Variants in MICALL1 observed in about 807,000 individuals in gnomAD.
The protein encoded by MICALL1 is MICAL like 1, also known as MICAL-like protein 1.
MICALL1 carries 61 observed loss-of-function variants against 83.7 expected under a neutral mutation model. That is an observed-to-expected ratio of 0.73 (90% CI 0.59 to 0.90). The LOEUF is 0.90. Ranked by LOEUF, MICALL1 falls within the 40% of genes least tolerant of loss-of-function variation. The pLI is 0.00. For synonymous variants in MICALL1, 481 were observed against 473.6 expected (o/e 1.02, Z -0.20); for missense variants, 1,066 against 1,152.0 (o/e 0.93, Z 1.08).
In MICALL1 at chr22:37,933,173, T is replaced by C. The variant is rs1929896319; in HGVS notation, c.2308+61T>C. 5.1e-6 allele frequency: 8 copies of C among 1,558,884 alleles called. No individual in the cohort carries two copies. In the Admixed American group the frequency reaches 1.2e-4, roughly 23 times the overall value. On this transcript the variant is annotated intron_variant, in intron 13 of 15. Transcript: ENST00000215957. ...CCTGGGGCCTGGTGACACGGAGGAG[T>C]GGGGGAGCGGGCAGACAAAACCCCA... is the stretch of plus-strand genomic sequence containing the variant.
Position 37,932,253 on chromosome 22 carries a change from T to G in MICALL1, c.2017-300T>G, listed in dbSNP as rs566996579. The stretch of plus-strand genomic sequence containing the variant: ...TCTCAAGTTTATCTCTGTAATAAGG[T>G]CACTCTCACTGACATTGTGATACCC... On this transcript the variant is annotated intron_variant, in intron 10 of 15. Transcript: ENST00000215957. This position sits in a 1 kb window ranked among gnomAD's most constrained non-coding sequence, Gnocchi z 4.4. Among the ~76,000 whole-genome samples, 23 of 152,234 alleles carry G rather than the reference T, an allele frequency of 1.5e-4. No individual in the cohort carries two copies. Among genetic ancestry groups the G allele is most frequent in the Non-Finnish European group, 3.1e-4 (21 of 68,038 alleles).
At position 37,925,711 on chromosome 22, in the gene MICALL1, A is replaced by G. The variant is rs370840648; in HGVS notation, c.1133A>G (p.Glu378Gly). 65 of 1,608,296 alleles carry G rather than the reference A, an allele frequency of 4.0e-5. No homozygotes were observed. Among genetic ancestry groups the G allele is most frequent in the Non-Finnish European group, 4.8e-5 (57 of 1,178,018 alleles). Residue 378 changes from glutamate (E) to glycine (G), a missense_variant, in exon 8 of 16, where the codon GAA (glutamate) becomes GGA (glycine). Transcript: ENST00000215957. Reference protein sequence around the residue: ...DPPWITLVQAEPKKKPAPLPP... With the variant: ...DPPWITLVQAGPKKKPAPLPP... Reference sequence around the variant, plus strand: ...CCATGGATCACGCTGGTGCAGGCAGAACCAAAGAAGAAGCCAGCCCCACTT... The same window carrying G: ...CCATGGATCACGCTGGTGCAGGCAGGACCAAAGAAGAAGCCAGCCCCACTT...
At position 37,906,466 on chromosome 22, in the gene MICALL1, A is replaced by G; in HGVS notation, c.44A>G (p.Gln15Arg). ...RGALLAWCRRQCEGYRGVEIR... is the reference protein window; with the variant it reads ...RGALLAWCRRRCEGYRGVEIR... ...GCGCTGCTGGCCTGGTGCCGCCGCC[A>G]GTGCGAGGGCTACCGCGGCGTGGAG... Residue 15 changes from glutamine to arginine, a missense_variant, in exon 1 of 16, where the codon CAG becomes CGG. Transcript: ENST00000215957. This position sits in a 1 kb window ranked among gnomAD's most constrained non-coding sequence, Gnocchi z 4.4. The G allele has an allele frequency of 8.2e-7, 1 of 1,220,428 alleles. No individual in the cohort carries two copies. Among genetic ancestry groups the G allele is most frequent in the Non-Finnish European group, 1.0e-6 (1 of 973,044 alleles). The allele number at this position is 1,220,428 out of a possible 1,614,324, so 75.6% of individuals were successfully genotyped here.
Position 37,941,009 on chromosome 22 carries a change from A to C in MICALL1, c.*179A>C. On this transcript the variant is annotated 3_prime_UTR_variant, in exon 16 of 16. Transcript: ENST00000215957. ...ACCTCTGACTGCTCTGGGCCAAAGA[A>C]TCTCTTGTTTCTTCTCCGAGCCCCA... 3 of 698,286 alleles carry C rather than the reference A, an allele frequency of 4.3e-6. No homozygotes were observed. The highest frequency in any genetic ancestry group is 4.5e-6 in the Non-Finnish European group (2 of 441,342). The allele number at this position is 698,286 out of a possible 1,614,324, so 43.3% of individuals were successfully genotyped here.
At chr22:37,927,910 T>G in intron 9 of MICALL1, 84 bp downstream of exon 9, 1 of 1,399,588 alleles carries the variant, frequency 7.1e-7, no homozygotes, top group Non-Finnish European at 9.5e-7. Flanking sequence ...GTCCAGGGCC[T>G]TTTCTTAATT....
intron 1 of MICALL1, among the ~76,000 whole-genome samples, chr22:37,909,163 C>T (rs1245755759): frequency 6.6e-6 from 1 of 152,094 alleles, no homozygotes; most frequent in Non-Finnish European, 1.5e-5. Flanking sequence ...AGCGATTCTC[C>T]TGCCTCAGCC....
At chr22:37,937,316 G>C in intron 14 of MICALL1, 122 bp downstream of exon 14, 4 of 772,358 alleles carry the variant, frequency 5.2e-6, no homozygotes, top group Non-Finnish European at 8.1e-6. Context: ...GGCCAGGCCA[G>C]CCCTGCCCTC....
intron 13 of MICALL1, among the ~76,000 whole-genome samples, chr22:37,935,655 C>T (rs927463096): frequency 2.6e-5 from 4 of 151,892 alleles, no homozygotes; most frequent in Non-Finnish European, 5.9e-5. Flanking sequence ...CAGGTTCAAG[C>T]GATTTTCCTG....
intron 13 of MICALL1, among the ~76,000 whole-genome samples, 171 bp from the exon 14 acceptor site, chr22:37,936,903 CAAAAAA>C (rs113465303): frequency 6.9e-6 from 1 of 145,572 alleles, no homozygotes; most frequent in Non-Finnish European, 1.5e-5. Context: ...AAAAAAAAAA[CAAAAAA>C]AAAAGAACTT....
At position 37,922,062 on chromosome 22, in the gene MICALL1, G is replaced by C. The variant is rs1242584242; in HGVS notation, c.660G>C (p.Arg220Ser). 6.2e-7 allele frequency: 1 copy of C among 1,613,336 alleles called. No individual in the cohort carries two copies. The highest frequency in any genetic ancestry group is 1.3e-5 in the African/African-American group (1 of 74,906). ...GTFVCAEHCA[R>S]LGPGTRSGTR... ...TTGTGTGTGCAGAACACTGTGCCAGGCTGGGCCCGGGGACACGGTCGGGGA... is the reference window on the plus strand; with the variant it reads ...TTGTGTGTGCAGAACACTGTGCCAGCCTGGGCCCGGGGACACGGTCGGGGA... The change falls in exon 6 of 16, where the codon AGG (arginine) becomes AGC (serine). Residue 220 changes from arginine (R) to serine (S), a missense_variant. Arg to Ser is a moderately radical substitution (Grantham distance 110). Transcript: ENST00000215957.
chr22:37,909,972 C>T (rs1368702533), intron 1 of MICALL1, among the ~76,000 whole-genome samples: 2 of 152,214 alleles, frequency 1.3e-5, no homozygotes, highest in African/African-American at 2.4e-5. Context: ...TCTGCTGGGA[C>T]GAGGGTTGTG....
chr22:37,911,866 G>A (rs1928342625), intron 1 of MICALL1, 86 bp from the exon 2 acceptor site: 1 of 1,344,834 alleles, frequency 7.4e-7, no homozygotes, highest in Non-Finnish European at 1.1e-6. Flanking sequence ...GGTCTTCTCT[G>A]TTCAGCTCCT....
chr22:37,939,107 T>G (rs180815479), intron 15 of MICALL1, among the ~76,000 whole-genome samples: 114 of 152,284 alleles, frequency 7.5e-4, no homozygotes, highest in African/African-American at 2.7e-3. Flanking sequence ...TGTGGCCTTG[T>G]GGTTAGGTCT....
At chr22:37,923,437 A>T (rs1929222814) in intron 6 of MICALL1, among the ~76,000 whole-genome samples, 1 of 152,192 alleles carries the variant, frequency 6.6e-6, no homozygotes, top group Admixed American at 6.5e-5. Context: ...CATGTTGGCC[A>T]GGCTGGTCTC....
At chr22:37,939,521 A>G (rs1389815516) in intron 15 of MICALL1, among the ~76,000 whole-genome samples, 1 of 152,146 alleles carries the variant, frequency 6.6e-6, no homozygotes, top group African/African-American at 2.4e-5. Flanking sequence ...CACGCCTGTA[A>G]TGCCAGCACT....
chr22:37,933,203 G>C, intron 13 of MICALL1, 91 bp downstream of exon 13: 1 of 1,326,418 alleles, frequency 7.5e-7, no homozygotes, highest in Non-Finnish European at 1.1e-6. Context: ...ACCCCAGTAG[G>C]ATGCACAGGC....
intron 5 of MICALL1, among the ~76,000 whole-genome samples, chr22:37,920,317 C>A (rs1288113214): frequency 6.6e-6 from 1 of 152,056 alleles, no homozygotes; most frequent in South Asian, 2.1e-4. Context: ...AGTGGCAGCA[C>A]GCACTTGATC....
chr22:37,927,804 C>T lies in MICALL1; in HGVS notation c.1859C>T (p.Ser620Leu), dbSNP rs1229913111. Residue 620 changes from serine (S) to leucine (L), a missense_variant, in exon 9 of 16, where the codon TCG (serine) becomes TTG (leucine). By Grantham distance (145) the Ser-to-Leu change is moderately radical (BLOSUM62 -2). Coordinates refer to ENST00000215957, the MANE Select transcript of MICALL1 (RefSeq NM_033386.4). ...DRSPVPSPGS[S>L]SPQLQVKSSC... ...AGCCCGGTGCCTTCCCCTGGAAGCTCGTCCCCACAGCTGCAGGTAAAGGTG... is the reference window on the plus strand; with the variant it reads ...AGCCCGGTGCCTTCCCCTGGAAGCTTGTCCCCACAGCTGCAGGTAAAGGTG... 5.6e-6 allele frequency: 9 copies of T among 1,609,532 alleles called. No homozygotes were observed. The highest frequency in any genetic ancestry group is 6.8e-6 in the Non-Finnish European group (8 of 1,177,392).
intron 3 of MICALL1, among the ~76,000 whole-genome samples, chr22:37,915,197 A>G (rs1928599920): frequency 6.6e-6 from 1 of 152,112 alleles, no homozygotes. Flanking sequence ...GGCTGCGGTG[A>G]GCTATGATCA....
Sources: gnomAD v4.1 joint callset for allele counts (sites outside exome capture counted in the v4.1 genomes callset) on GRCh38, gnomAD v4.1.1 for gene constraint, Gnocchi (gnomAD v3.1) non-coding constraint, MANE v1.5 for transcripts, NCBI Gene and HGNC (gene_info 2026-07-23, HGNC 2026-07-21) for gene names.